Variants in SPATA22 observed in about 807,000 individuals in gnomAD.
SPATA22 encodes the protein spermatogenesis associated 22, also known as spermatogenesis-associated protein 22.
In SPATA22, 29 loss-of-function variants were observed where a neutral mutation model predicts 47.8. The ratio of observed to expected loss-of-function variants is 0.61; its 90% confidence interval spans 0.45 to 0.83. The LOEUF (loss-of-function observed/expected upper bound fraction) is 0.83. Among genes scored for constraint, SPATA22 ranks in the 40% least tolerant of loss-of-function variants. The pLI, the probability that SPATA22 is intolerant of heterozygous loss-of-function variation, is 0.00. For synonymous variants in SPATA22, 133 were observed against 140.9 expected, an observed-to-expected ratio of 0.94 and a Z score of 0.40; for missense variants, 410 against 421.7, an observed-to-expected ratio of 0.97 and a Z score of 0.24.
chr17:3,476,179 C>A (rs1173584413), upstream of SPATA22: 1 of 1,613,856 alleles, frequency 6.2e-7, no homozygotes, highest in Admixed American at 1.7e-5. Flanking sequence ...TGTCACATTG[C>A]TGAAGAACAT....
chr17:3,446,682 C>A, intron 6 of SPATA22, 81 bp from the exon 7 acceptor site: 1 of 1,162,856 alleles, frequency 8.6e-7, no homozygotes, highest in Non-Finnish European at 1.2e-6. Context: ...CGTAAAAATT[C>A]TAAGTCCTTA....
chr17:3,454,934 T>A (rs953909346), intron 5 of SPATA22, among the ~76,000 whole-genome samples: 2 of 151,654 alleles, frequency 1.3e-5, no homozygotes, highest in African/African-American at 4.8e-5. Flanking sequence ...AAAGTGTTCC[T>A]ATTTCTCCAC....
At chr17:3,448,326 C>A (rs2072774178) in intron 6 of SPATA22, among the ~76,000 whole-genome samples, 1 of 152,188 alleles carries the variant, frequency 6.6e-6, no homozygotes, top group Non-Finnish European at 1.5e-5. Context: ...AGAGCAGTGT[C>A]CATTCATTTA....
chr17:3,486,171 T>A (rs2073717997), intron 1 of SPATA22, among the ~76,000 whole-genome samples: 1 of 152,112 alleles, frequency 6.6e-6, no homozygotes, highest in South Asian at 2.1e-4. Context: ...TGACCTCAGG[T>A]GATCCACCCG....
At chr17:3,497,477 C>G (rs1238099758) in intron 1 of SPATA22, among the ~76,000 whole-genome samples, 1 of 152,142 alleles carries the variant, frequency 6.6e-6, no homozygotes, top group Non-Finnish European at 1.5e-5. Context: ...AGTCAGAACT[C>G]ATAGAACTGC....
intron 3 of SPATA22, 86 bp downstream of exon 3, chr17:3,467,340 T>G: frequency 9.0e-7 from 1 of 1,107,406 alleles, no homozygotes; most frequent in Non-Finnish European, 1.3e-6. Context: ...AAATAAACTT[T>G]CTATTTTCAT....
intron 1 of SPATA22, among the ~76,000 whole-genome samples, chr17:3,486,493 T>C (rs1238325711): frequency 1.3e-5 from 2 of 152,236 alleles, no homozygotes; most frequent in Admixed American, 6.5e-5. Context: ...TTGTTTATCC[T>C]GCCAGTTACT....
Position 3,462,569 on chromosome 17 carries a change from T to C in SPATA22, c.243A>G (p.Pro81=), listed in dbSNP as rs748068896. Residue 81 remains proline (P), a synonymous_variant, in exon 5 of 9, where the codon CCA becomes CCG. Transcript: ENST00000572969. ...TTCTCAGAGGACGAGAAACTGAATG[T>C]GGTATTTGCCTTTCAAGGGAATATG... is the stretch of plus-strand genomic sequence containing the variant. ...VMKTVDTGQI[P]HSVSRPLRSQ... 1.2e-6 allele frequency: 2 copies of C among 1,612,412 alleles called. No homozygotes were observed. The highest frequency in any genetic ancestry group is 1.6e-4 in the Middle Eastern group (1 of 6,068).
At chr17:3,451,797 A>T (rs2072866892) in intron 5 of SPATA22, among the ~76,000 whole-genome samples, 1 of 151,946 alleles carries the variant, frequency 6.6e-6, no homozygotes, top group Admixed American at 6.6e-5. Flanking sequence ...AAATACAAAA[A>T]TTAGGTGAGT....
intron 5 of SPATA22, among the ~76,000 whole-genome samples, chr17:3,458,855 C>A (rs367853448): frequency 7.8e-4 from 30 of 38,340 alleles, no homozygotes; most frequent in Admixed American, 1.5e-3. Context: ...CGAAACTTCA[C>A]AAAAAAAAAA....
chr17:3,482,308 C>T (rs2073644776), intron 1 of SPATA22, among the ~76,000 whole-genome samples: 1 of 152,148 alleles, frequency 6.6e-6, no homozygotes, highest in African/African-American at 2.4e-5. Context: ...CCCTCGTCCC[C>T]ATTTGATTTA....
intron 6 of SPATA22, among the ~76,000 whole-genome samples, chr17:3,447,263 T>C (rs1424132409): frequency 3.9e-5 from 6 of 152,094 alleles, no homozygotes; most frequent in Admixed American, 3.9e-4. Context: ...GAGATGGAAA[T>C]GTTCTTAGCA....
At chr17:3,471,475 G>A (rs770011187) in intron 1 of SPATA22, 67 of 985,222 alleles carry the variant, frequency 6.8e-5, no homozygotes, top group Non-Finnish European at 8.0e-5. Flanking sequence ...GTTAGTAATG[G>A]GGTTGGTGGC....
At chr17:3,465,705 G>A in intron 3 of SPATA22, among the ~76,000 whole-genome samples, 1 of 150,496 alleles carries the variant, frequency 6.6e-6, no homozygotes, top group Non-Finnish European at 1.5e-5. Flanking sequence ...TTTATCTGCT[G>A]ACCTTCCCTC....
chr17:3,499,200 G>A, intron 1 of SPATA22: 1 of 1,157,130 alleles, frequency 8.6e-7, no homozygotes, highest in East Asian at 2.6e-5. Context: ...TCCTAGCACA[G>A]TGCCTTATTC....
intron 5 of SPATA22, among the ~76,000 whole-genome samples, chr17:3,459,416 C>CT (rs1417555966): frequency 6.6e-6 from 1 of 151,892 alleles, no homozygotes; most frequent in Non-Finnish European, 1.5e-5. Flanking sequence ...TTAAAAAATA[C>CT]TTTTTTTGAA....
At chr17:3,461,003 T>C (rs932063372) in intron 5 of SPATA22, among the ~76,000 whole-genome samples, 1 of 152,098 alleles carries the variant, frequency 6.6e-6, no homozygotes, top group Non-Finnish European at 1.5e-5. Flanking sequence ...TCTATATTGA[T>C]AATGTATCTA....
chr17:3,480,762 A>C (rs999545382), intron 1 of SPATA22, among the ~76,000 whole-genome samples: 1 of 152,218 alleles, frequency 6.6e-6, no homozygotes, highest in African/African-American at 2.4e-5. Flanking sequence ...TCTTTGTTTC[A>C]AAGTTAAGCT....
At chr17:3,496,870 T>C (rs2150761849) in intron 1 of SPATA22, among the ~76,000 whole-genome samples, 1 of 152,152 alleles carries the variant, frequency 6.6e-6, no homozygotes, top group South Asian at 2.1e-4. Flanking sequence ...ATCGAGACCA[T>C]CCTGGCTAAC....
Sources: allele counts gnomAD v4.1 joint callset (sites outside exome capture counted in the v4.1 genomes callset), GRCh38; gene constraint gnomAD v4.1.1; transcripts MANE v1.5; gene names NCBI Gene and HGNC (gene_info 2026-07-23, HGNC 2026-07-21).